DGKD: variants seen among roughly 807,000 people sequenced by gnomAD.
DGKD encodes the protein DAG kinase delta.
A neutral mutation model predicts 154.4 loss-of-function variants in DGKD; 68 were observed. The observed-to-expected ratio is 0.44, with a 90% confidence interval of 0.36 to 0.54. The LOEUF is 0.54. Ranked by LOEUF, DGKD falls within the 20% of genes least tolerant of loss-of-function variation. The pLI is 0.00. For synonymous variants in DGKD, 693 were observed against 638.0 expected (o/e 1.09, Z -1.30); for missense variants, 1,343 against 1,593.6 (o/e 0.84, Z 2.68).
chr2:233,453,568 C>T (rs1260917040), intron 18 of DGKD, among the ~76,000 whole-genome samples: 1 of 152,260 alleles, frequency 6.6e-6, no homozygotes, highest in Non-Finnish European at 1.5e-5. Flanking sequence ...GCTCAGTAAG[C>T]TAAAGTGTGT....
chr2:233,442,249 GCCCACAAAGGA>G, intron 10 of DGKD: 1 of 616,748 alleles, frequency 1.6e-6, no homozygotes. Context: ...GAAAAGAATT[GCCCACAAAGGA>G]CCCACATGGG....
chr2:233,363,013 G>A (rs1701854633), intron 1 of DGKD, among the ~76,000 whole-genome samples: 2 of 152,220 alleles, frequency 1.3e-5, no homozygotes, highest in Admixed American at 6.5e-5. Context: ...AATAGTTGAT[G>A]ATGATAATAA....
chr2:233,363,721 A>AC (rs1479487759), intron 1 of DGKD, among the ~76,000 whole-genome samples: 4 of 152,202 alleles, frequency 2.6e-5, no homozygotes, highest in Non-Finnish European at 5.9e-5. Flanking sequence ...CTTTTATGAC[A>AC]TATTTTTACT....
chr2:233,398,903 T>C (rs3762592), intron 3 of DGKD, among the ~76,000 whole-genome samples: 45,732 of 152,136 alleles, frequency 0.3, 8,349 homozygotes, highest in Middle Eastern at 0.45. Flanking sequence ...GGATTACAGG[T>C]GTGAGCCACC....
rs1464151371 is a variant in DGKD, at chr2:233,438,160, G to C, written c.923-57G>C. 3 of 1,577,014 alleles carry C rather than the reference G, an allele frequency of 1.9e-6. No individual in the cohort carries two copies. The highest frequency in any genetic ancestry group is 2.6e-6 in the Non-Finnish European group (3 of 1,155,502). On this transcript the variant is annotated intron_variant, in intron 8 of 29. Transcript: ENST00000264057. The surrounding 1 kb of genome is among the most constrained non-coding windows in gnomAD (Gnocchi z 4.1). Reference sequence around the variant, plus strand: ...TCTGCTGCTGCTGATTCCATCAGTGGTGCCCTCAGCGTCTTCCGTGGCCTA... The same window carrying C: ...TCTGCTGCTGCTGATTCCATCAGTGCTGCCCTCAGCGTCTTCCGTGGCCTA...
Position 233,459,678 on chromosome 2 carries a change from G to C in DGKD, c.2695-79G>C, listed in dbSNP as rs951696188. The C allele has an allele frequency of 1.3e-6, 2 of 1,553,420 alleles. No homozygotes were observed. The highest frequency in any genetic ancestry group is 2.3e-5 in the East Asian group (1 of 44,306). On this transcript the variant is annotated intron_variant, in intron 22 of 29. Coordinates refer to ENST00000264057, the MANE Select transcript of DGKD (RefSeq NM_152879.3). This position sits in a 1 kb window ranked among gnomAD's most constrained non-coding sequence, Gnocchi z 5.7. ...AGGGACGGGTGTGTGGAGCAGGAAG[G>C]TCATGGTGGTGCTGATAGCACTTTT... is the stretch of plus-strand genomic sequence containing the variant.
chr2:233,397,907 C>A (rs1473580765), intron 3 of DGKD, among the ~76,000 whole-genome samples: 1 of 151,736 alleles, frequency 6.6e-6, no homozygotes, highest in East Asian at 1.9e-4. Flanking sequence ...TAAGTGAGCT[C>A]AGGAGTCCAG....
chr2:233,420,494 A>C (rs74608404), intron 3 of DGKD, among the ~76,000 whole-genome samples: 2 of 152,018 alleles, frequency 1.3e-5, no homozygotes, highest in African/African-American at 4.8e-5. Context: ...GGGGCATCCT[A>C]ACTTTGGTGT....
chr2:233,369,167 C>CT (rs1268879820), intron 1 of DGKD, among the ~76,000 whole-genome samples: 2 of 152,178 alleles, frequency 1.3e-5, no homozygotes, highest in Non-Finnish European at 2.9e-5. Flanking sequence ...AGGTTCTCAT[C>CT]TGTAGGTTAG....
chr2:233,435,955 T>TGAGCCAGGGTCCCCCACCTGCACGGCCCC (rs2062678750), intron 6 of DGKD, 31 bp downstream of exon 6: 2 of 1,568,390 alleles, frequency 1.3e-6, no homozygotes, highest in African/African-American at 1.4e-5. Flanking sequence ...TGTGGGGCCC[T>TGAGCCAGGGTCCCCCACCTGCACGGCCCC]GAGCCAGGGT....
At chr2:233,399,085 T>C (rs535991922) in intron 3 of DGKD, among the ~76,000 whole-genome samples, 1 of 152,356 alleles carries the variant, frequency 6.6e-6, no homozygotes, top group South Asian at 2.1e-4. Context: ...ATTGCCTCAT[T>C]TAGTTTTTGA....
At chr2:233,410,663 G>A (rs1176910289) in intron 3 of DGKD, among the ~76,000 whole-genome samples, 1 of 152,196 alleles carries the variant, frequency 6.6e-6, no homozygotes, top group Non-Finnish European at 1.5e-5. Context: ...AAGGTTCATA[G>A]TGTTCTTTAA....
intron 2 of DGKD, among the ~76,000 whole-genome samples, chr2:233,390,162 A>T (rs961357879): frequency 6.6e-6 from 1 of 152,122 alleles, no homozygotes; most frequent in Non-Finnish European, 1.5e-5. Context: ...ATGCAATGAC[A>T]ATGTTTGTAG....
In DGKD at chr2:233,354,563, G is replaced by A. The variant is rs1474641196; in HGVS notation, c.45G>A (p.Pro15=). 7 of 1,056,616 alleles carry A rather than the reference G, an allele frequency of 6.6e-6. No individual in the cohort carries two copies. In the South Asian group the frequency reaches 7.7e-5, roughly 12 times the overall value. The allele number at this position is 1,056,616 out of a possible 1,614,324, so 65.5% of individuals were successfully genotyped here. ...CCCCTCCGCCGGGTCCCCCGCAACC[G>A]CCTCCGCCGCCGCCGCCCGAGGAGT... The part of the protein sequence containing the change: ...AGAPPPGPPQ[P]PPPPPPEESS... The change falls in exon 1 of 30, where the codon CCG becomes CCA. Residue 15 remains proline (P), a synonymous_variant. Coordinates refer to ENST00000264057, the MANE Select transcript of DGKD (RefSeq NM_152879.3). This position sits in a 1 kb window ranked among gnomAD's most constrained non-coding sequence, Gnocchi z 4.8.
At position 233,449,294 on chromosome 2, in the gene DGKD, A is replaced by G. The variant is rs952702077; in HGVS notation, c.1806A>G (p.Ile602Met). 6 of 1,613,276 alleles carry G rather than the reference A, an allele frequency of 3.7e-6. No homozygotes were observed. The highest frequency in any genetic ancestry group is 1.3e-5 in the African/African-American group (1 of 74,942). ...VASACPARPQ[I>M]FRPREQLMLR... The stretch of plus-strand genomic sequence containing the variant: ...CAGCTTGCCCGGCCCGGCCGCAGAT[A>G]TTCCGGCCTCGAGAACAGCTCATGC... The change falls in exon 15 of 30, where the codon ATA becomes ATG. Residue 602 changes from isoleucine (I) to methionine (M), a missense_variant. By Grantham distance (10) the Ile-to-Met change is conservative (BLOSUM62 1). Transcript: ENST00000264057. This position sits in a 1 kb window ranked among gnomAD's most constrained non-coding sequence, Gnocchi z 5.3.
intron 6 of DGKD, among the ~76,000 whole-genome samples, 182 bp from the exon 7 acceptor site, chr2:233,436,134 C>T (rs1190715436): frequency 2.6e-5 from 4 of 152,334 alleles, no homozygotes; most frequent in East Asian, 1.9e-4. Flanking sequence ...GTTTGCACCT[C>T]CGACAGGTGC....
At chr2:233,361,686 G>A (rs944040132) in intron 1 of DGKD, among the ~76,000 whole-genome samples, 6 of 152,210 alleles carry the variant, frequency 3.9e-5, no homozygotes, top group Admixed American at 3.9e-4. Flanking sequence ...GATGGCTCAC[G>A]CCTATAATCT....
intron 1 of DGKD, among the ~76,000 whole-genome samples, chr2:233,365,247 G>C (rs979984984): frequency 1.4e-5 from 2 of 143,182 alleles, no homozygotes; most frequent in Admixed American, 6.9e-5. Flanking sequence ...TTTTTTTTTT[G>C]GGAGACGGAG....
At chr2:233,393,720 G>A (rs1161539827) in intron 3 of DGKD, among the ~76,000 whole-genome samples, 5 of 138,130 alleles carry the variant, frequency 3.6e-5, no homozygotes, top group East Asian at 2.1e-4. Context: ...GTCTTGCTCC[G>A]TTGCCCAGGG....
Sources: allele counts gnomAD v4.1 joint callset (sites outside exome capture counted in the v4.1 genomes callset), GRCh38; gene constraint gnomAD v4.1.1; non-coding constraint Gnocchi (gnomAD v3.1); transcripts MANE v1.5; gene names NCBI Gene and HGNC (gene_info 2026-07-23, HGNC 2026-07-21).